DNMT3A: variants seen among roughly 807,000 people sequenced by gnomAD.
DNMT3A encodes DNA (cytosine-5)-methyltransferase 3A.
DNMT3A carries 267 observed loss-of-function variants against 117.6 expected under a neutral mutation model. The ratio of observed to expected loss-of-function variants is 2.27; its 90% confidence interval spans 2.05 to 2.51. The LOEUF (loss-of-function observed/expected upper bound fraction) is 2.51. DNMT3A is among the 30% of genes most tolerant of loss of function. The pLI, the probability that DNMT3A is intolerant of heterozygous loss-of-function variation, is 0.00. For missense variants in DNMT3A, 1,029 were observed against 1,260.2 expected (o/e 0.82, Z 2.78); for synonymous variants, 432 against 474.8 (o/e 0.91, Z 1.17).
At chr2:25,245,898 A>T in intron 12 of DNMT3A, 122 bp downstream of exon 12, 1 of 1,228,628 alleles carries the variant, frequency 8.1e-7, no homozygotes, top group South Asian at 1.3e-5. Context: ...AAGCACGGTG[A>T]AGGTGGTGTG....
rs1299693988 is a variant in DNMT3A at position 25,254,241 on chromosome 2, C to G, written c.640-5989G>C. 6.6e-6 allele frequency among the ~76,000 whole-genome samples: 1 copy of G among 152,052 alleles called. No individual in the cohort carries two copies. The highest frequency in any genetic ancestry group is 1.5e-5 in the Non-Finnish European group (1 of 68,012). On this transcript the variant is annotated intron_variant, in intron 6 of 22. Coordinates refer to ENST00000321117, the MANE Select transcript of DNMT3A (RefSeq NM_022552.5). The surrounding 1 kb of genome is among the most constrained non-coding windows in gnomAD (Gnocchi z 4.7). ...ATCTCCTAATGACAATGAGACAATT[C>G]TCTAGGTGCCTGGCTCCCAGCCACA... is the stretch of plus-strand genomic sequence containing the variant.
chr2:25,234,343 G>C lies in DNMT3A; in HGVS notation c.2675C>G (p.Ser892Ter), dbSNP rs1355266109. The C allele has an allele frequency of 6.2e-7, 1 of 1,614,126 alleles. No homozygotes were observed. Among genetic ancestry groups the C allele is most frequent in the Non-Finnish European group, 8.5e-7 (1 of 1,180,008 alleles). ...RLARQRLLGRSWSVPVIRHLF... is the reference protein window; with the variant it reads ...RLARQRLLGR ...GTGGCGGATGACTGGCACGCTCCAT[G>C]ACCGGCCCAGCAGTCTCTGCCTCGC... The change falls in exon 23 of 23, where the codon TCA becomes TGA. Residue 892 changes from serine to a stop codon, truncating the protein, a stop_gained. Coordinates refer to ENST00000321117, the MANE Select transcript of DNMT3A (RefSeq NM_022552.5). LOFTEE classifies it high-confidence loss of function. The surrounding 1 kb of genome is among the most constrained non-coding windows in gnomAD (Gnocchi z 4.5).
In DNMT3A at chr2:25,337,977, C is replaced by G. The variant is rs1027929924; in HGVS notation, c.-178+3849G>C. Among the ~76,000 whole-genome samples, 1 of 152,272 alleles carries G rather than the reference C, an allele frequency of 6.6e-6. No individual in the cohort carries two copies. The highest frequency in any genetic ancestry group is 2.4e-5 in the African/African-American group (1 of 41,544). ...TCAAACAAAAGTAGAAGCTATTCCC[C>G]GAGGGCCGCAGCATGGGGAATGGCA... On this transcript the variant is annotated intron_variant, in intron 1 of 22. Coordinates refer to ENST00000321117, the MANE Select transcript of DNMT3A (RefSeq NM_022552.5). This position sits in a 1 kb window ranked among gnomAD's most constrained non-coding sequence, Gnocchi z 5.0.
chr2:25,316,616 T>C (rs914982119), intron 1 of DNMT3A, among the ~76,000 whole-genome samples: 2 of 152,164 alleles, frequency 1.3e-5, no homozygotes, highest in Admixed American at 1.3e-4. Context: ...CGTAGACGCT[T>C]CATTCTTCCT....
chr2:25,318,440 C>A (rs2034465089), intron 1 of DNMT3A, among the ~76,000 whole-genome samples: 1 of 152,106 alleles, frequency 6.6e-6, no homozygotes, highest in African/African-American at 2.4e-5. Flanking sequence ...GCGCCCGTCA[C>A]CACTCCCGGC....
chr2:25,286,056 C>T lies in DNMT3A; in HGVS notation c.178-3345G>A, dbSNP rs537979581. ...TTCTCATCATTTGCTGCCCTGCAGACACCTCAGATTGGGGCAGGCTCTGAG... is the reference window on the plus strand; with the variant it reads ...TTCTCATCATTTGCTGCCCTGCAGATACCTCAGATTGGGGCAGGCTCTGAG... On this transcript the variant is annotated intron_variant, in intron 3 of 22. Coordinates refer to ENST00000321117, the MANE Select transcript of DNMT3A (RefSeq NM_022552.5). The surrounding 1 kb of genome is among the most constrained non-coding windows in gnomAD (Gnocchi z 4.3). Among the ~76,000 whole-genome samples the T allele has an allele frequency of 6.6e-6, 1 of 152,264 alleles. No homozygotes were observed. The highest frequency in any genetic ancestry group is 1.5e-5 in the Non-Finnish European group (1 of 68,050).
intron 6 of DNMT3A, 36 bp from the exon 7 acceptor site, chr2:25,248,288 C>T: frequency 1.9e-6 from 3 of 1,603,404 alleles, no homozygotes; most frequent in Non-Finnish European, 2.6e-6. Context: ...ACCTTGACCT[C>T]TCCAGGAATT....
At chr2:25,270,688 GGATGCA>G (rs1165391792) in intron 6 of DNMT3A, among the ~76,000 whole-genome samples, 1 of 152,090 alleles carries the variant, frequency 6.6e-6, no homozygotes, top group Non-Finnish European at 1.5e-5. Flanking sequence ...GGAGATCTGG[GGATGCA>G]GCTAACAGAG....
At position 25,247,522 on chromosome 2, in the gene DNMT3A, C is replaced by A; in HGVS notation, c.1014+69G>T. 6.3e-7 allele frequency: 1 copy of A among 1,578,142 alleles called. No homozygotes were observed. ...CACCCCAATTCCAGACTGCCCCCAG[C>A]CAAAACCACAGGCCCTGGGATCAAG... On this transcript the variant is annotated intron_variant, in intron 8 of 22. Coordinates refer to ENST00000321117, the MANE Select transcript of DNMT3A (RefSeq NM_022552.5). This position sits in a 1 kb window ranked among gnomAD's most constrained non-coding sequence, Gnocchi z 5.6.
chr2:25,240,618 G>T, intron 18 of DNMT3A, 22 bp downstream of exon 18: 2 of 1,613,012 alleles, frequency 1.2e-6, no homozygotes, highest in Non-Finnish European at 1.7e-6. Flanking sequence ...TGAGAAGGTG[G>T]AGGGGACAGG....
rs930937018 is a variant in DNMT3A, at chr2:25,236,662, GA to G, written c.2478+273del. On this transcript the variant is annotated intron_variant, in intron 21 of 22. Transcript: ENST00000321117. The surrounding 1 kb of genome is among the most constrained non-coding windows in gnomAD (Gnocchi z 4.5). ...GGTTTTGGCCAAAAAATTTAAAAAT[GA>G]AAAAAAAGCCACAGCACAACCAGGT... 6.6e-6 allele frequency among the ~76,000 whole-genome samples: 1 copy of G among 151,464 alleles called. No individual in the cohort carries two copies. Among genetic ancestry groups the G allele is most frequent in the African/African-American group, 2.4e-5 (1 of 41,256 alleles).
intron 1 of DNMT3A, among the ~76,000 whole-genome samples, chr2:25,316,134 G>GT (rs2034371094): frequency 6.6e-6 from 1 of 152,240 alleles, no homozygotes; most frequent in Non-Finnish European, 1.5e-5. Context: ...CCCAAATGGA[G>GT]TCGGGGGAGA....
At chr2:25,340,113 C>T (rs1448340072) in intron 1 of DNMT3A, among the ~76,000 whole-genome samples, 1 of 152,208 alleles carries the variant, frequency 6.6e-6, no homozygotes, top group Non-Finnish European at 1.5e-5. Flanking sequence ...GGGGTAGCTG[C>T]GCGGCCCTGG....
chr2:25,278,359 G>A (rs747279492), intron 4 of DNMT3A, among the ~76,000 whole-genome samples: 28 of 152,240 alleles, frequency 1.8e-4, no homozygotes, highest in Non-Finnish European at 3.7e-4. Context: ...TGACCAGGCT[G>A]TAGCCAGGTT....
chr2:25,252,436 G>C lies in DNMT3A; in HGVS notation c.640-4184C>G. On this transcript the variant is annotated intron_variant, in intron 6 of 22. Coordinates refer to ENST00000321117, the MANE Select transcript of DNMT3A (RefSeq NM_022552.5). The surrounding 1 kb of genome is among the most constrained non-coding windows in gnomAD (Gnocchi z 5.5). ...TTGGCTGCGAGCGGCCCGGGGAGGG[G>C]GCCGGCGCTCCGACGCTGGCGCTGG... The C allele has an allele frequency of 2.3e-6, 1 of 426,444 alleles. No homozygotes were observed. The highest frequency in any genetic ancestry group is 4.5e-5 in the Admixed American group (1 of 22,304). 26.4% of individuals were successfully genotyped at this position (426,444 alleles called of 1,614,324 possible).
Position 25,281,494 on chromosome 2 carries a change from A to G in DNMT3A, c.448+947T>C. Reference sequence around the variant, plus strand: ...ATTCTGGAAATGTTCTCTATCCTGCATGAACATTAGGTTGGATCCATGCAA... The same window carrying G: ...ATTCTGGAAATGTTCTCTATCCTGCGTGAACATTAGGTTGGATCCATGCAA... On this transcript the variant is annotated intron_variant, in intron 4 of 22. Transcript: ENST00000321117. This position sits in a 1 kb window ranked among gnomAD's most constrained non-coding sequence, Gnocchi z 4.8. 9.5e-7 allele frequency: 1 copy of G among 1,055,344 alleles called. No individual in the cohort carries two copies. Among genetic ancestry groups the G allele is most frequent in the Non-Finnish European group, 1.1e-6 (1 of 873,000 alleles). The allele number at this position is 1,055,344 out of a possible 1,614,324, so 65.4% of individuals were successfully genotyped here. A position where few individuals can be genotyped will look rare whatever the true frequency, so the allele number is the denominator to read the frequency against.
intron 14 of DNMT3A, 88 bp from the exon 15 acceptor site, chr2:25,244,426 T>C (rs1674478316): frequency 6.4e-7 from 1 of 1,558,438 alleles, no homozygotes. Flanking sequence ...AGACCGGGTC[T>C]GGAGCATGGC....
intron 2 of DNMT3A, among the ~76,000 whole-genome samples, chr2:25,303,535 G>A (rs558439729): frequency 5.5e-4 from 84 of 152,382 alleles, no homozygotes; most frequent in African/African-American, 1.9e-3. Flanking sequence ...AGAGAGGGCG[G>A]GGAGTGCCAG....
At chr2:25,314,744 G>A (rs1483227246) in intron 1 of DNMT3A, 10 of 980,774 alleles carry the variant, frequency 1.0e-5, no homozygotes, top group South Asian at 4.7e-5. Context: ...GAGAGGCCAC[G>A]GCCACGGCCA....
Sources: allele counts gnomAD v4.1 joint callset (sites outside exome capture counted in the v4.1 genomes callset), GRCh38; gene constraint gnomAD v4.1.1; non-coding constraint Gnocchi (gnomAD v3.1); transcripts MANE v1.5; gene names NCBI Gene and HGNC (gene_info 2026-07-23, HGNC 2026-07-21).